FAM118B: variants seen among roughly 807,000 people sequenced by gnomAD.
The protein encoded by FAM118B is SIR2 antiphage like 1.
FAM118B carries 24 observed loss-of-function variants against 38.5 expected under a neutral mutation model. The observed-to-expected ratio is 0.62, with a 90% CI of 0.45 to 0.88. The LOEUF is 0.88. FAM118B is among the 40% of genes least tolerant of loss of function. The pLI is 0.00. For missense variants in FAM118B, 334 were observed against 420.0 expected (o/e 0.80, Z 1.79); for synonymous variants, 138 against 156.3 (o/e 0.88, Z 0.87).
At chr11:126,217,780 A>C (rs1432375188) in intron 1 of FAM118B, among the ~76,000 whole-genome samples, 1 of 152,220 alleles carries the variant, frequency 6.6e-6, no homozygotes, top group Non-Finnish European at 1.5e-5. Context: ...GAAGTATTTG[A>C]ATGACCTGGT....
At chr11:126,221,604 C>G (rs749507973) in intron 1 of FAM118B, among the ~76,000 whole-genome samples, 2 of 152,016 alleles carry the variant, frequency 1.3e-5, no homozygotes, top group African/African-American at 2.4e-5. Context: ...GAAGCACCAC[C>G]GAGATCTGAA....
At chr11:126,222,589 T>C (rs1243243039) in intron 1 of FAM118B, among the ~76,000 whole-genome samples, 2 of 152,224 alleles carry the variant, frequency 1.3e-5, no homozygotes, top group Non-Finnish European at 2.9e-5. Context: ...GTGAGAATCT[T>C]TATGTTTAGG....
intron 1 of FAM118B, among the ~76,000 whole-genome samples, chr11:126,221,274 G>T (rs533045443): frequency 4.1e-4 from 62 of 152,150 alleles, no homozygotes; most frequent in Non-Finnish European, 6.5e-4. Context: ...TAAGGTTACA[G>T]ATTTACTTTC....
rs571457556 is a variant in FAM118B, at chr11:126,255,421, C to T, written c.696+988C>T. On this transcript the variant is annotated intron_variant, in intron 6 of 8. Coordinates refer to ENST00000533050, the MANE Select transcript of FAM118B (RefSeq NM_024556.4). This position sits in a 1 kb window ranked among gnomAD's most constrained non-coding sequence, Gnocchi z 4.6. ...CATTCTTTCCCAACATCTGCCATAACTGCATCCATCTCTGACATTGAGTGA... is the reference window on the plus strand; with the variant it reads ...CATTCTTTCCCAACATCTGCCATAATTGCATCCATCTCTGACATTGAGTGA... 1.3e-4 allele frequency among the ~76,000 whole-genome samples: 20 copies of T among 152,090 alleles called. No individual in the cohort carries two copies. The highest frequency in any genetic ancestry group is 2.5e-4 in the Non-Finnish European group (17 of 68,024).
intron 7 of FAM118B, 172 bp from the exon 8 acceptor site, chr11:126,261,253 A>T (rs1950691197): frequency 3.4e-6 from 2 of 595,494 alleles, no homozygotes; most frequent in Non-Finnish European, 6.0e-6. Context: ...AAGTCTAAAG[A>T]CTACTCCAGT....
chr11:126,262,355 C>G lies in FAM118B; in HGVS notation c.*222C>G, dbSNP rs1950718476. On this transcript the variant is annotated 3_prime_UTR_variant, in exon 9 of 9. Transcript: ENST00000533050. ...TGTTCAAGTTCAAGAATAAAAGCGA[C>G]AGCAGGACCCAAATGCAGCTCCCAA... The G allele has an allele frequency of 5.2e-6, 3 of 572,244 alleles. 1 individual carries two copies. Among genetic ancestry groups the G allele is most frequent in the Non-Finnish European group, 9.3e-6 (3 of 323,150 alleles). 35.4% of individuals were successfully genotyped at this position (572,244 alleles called of 1,614,324 possible).
rs2135231243 is a variant in FAM118B, at chr11:126,262,316, G to T, written c.*183G>T. 256 of 476,732 alleles carry T rather than the reference G, an allele frequency of 5.4e-4. No homozygotes were observed. The highest frequency in any genetic ancestry group is 6.6e-4 in the Non-Finnish European group (174 of 261,908). 29.5% of individuals were successfully genotyped at this position (476,732 alleles called of 1,614,324 possible). On this transcript the variant is annotated 3_prime_UTR_variant, in exon 9 of 9. Transcript: ENST00000533050. ...TAATCCTTCATACCACCTGGTTCTT[G>T]ATATTCTGCCGCCTGTTCAAGTTCA... is the stretch of plus-strand genomic sequence containing the variant.
intron 7 of FAM118B, among the ~76,000 whole-genome samples, chr11:126,259,229 T>G (rs1053328210): frequency 5.9e-5 from 9 of 152,208 alleles, no homozygotes; most frequent in Non-Finnish European, 1.2e-4. Flanking sequence ...GGTCTTTTGC[T>G]GTTATTTTGT....
intron 6 of FAM118B, among the ~76,000 whole-genome samples, chr11:126,254,927 C>G (rs1280679574): frequency 2.0e-5 from 3 of 152,134 alleles, no homozygotes; most frequent in Non-Finnish European, 4.4e-5. Flanking sequence ...CTTAAGGTGT[C>G]AAACCCTATG....
chr11:126,228,848 C>T (rs1396351257), intron 1 of FAM118B, among the ~76,000 whole-genome samples: 1 of 152,164 alleles, frequency 6.6e-6, no homozygotes, highest in Admixed American at 6.5e-5. Context: ...CTTGAGCCAC[C>T]CGCGCCTGGC....
chr11:126,251,085 C>T (rs1164299169), intron 5 of FAM118B, among the ~76,000 whole-genome samples: 2 of 152,038 alleles, frequency 1.3e-5, no homozygotes, highest in East Asian at 3.9e-4. Context: ...TTTTTTATGG[C>T]ATCTATTGGA....
At chr11:126,211,772 C>T, upstream of FAM118B, 1 of 1,014,784 alleles carries the variant, frequency 9.9e-7, no homozygotes, top group South Asian at 1.6e-5. Context: ...GGTGCGCGCT[C>T]AGTGCGGCTG....
At chr11:126,236,689 T>G (rs1950278612) in intron 3 of FAM118B, among the ~76,000 whole-genome samples, 1 of 152,104 alleles carries the variant, frequency 6.6e-6, no homozygotes, top group Admixed American at 6.5e-5. Flanking sequence ...ATTCCACATT[T>G]TTTTAAAACT....
intron 7 of FAM118B, among the ~76,000 whole-genome samples, chr11:126,259,425 CTTTTTTTTTT>C (rs397945854): frequency 7.7e-6 from 1 of 129,436 alleles, no homozygotes; most frequent in African/African-American, 2.8e-5. Flanking sequence ...CGTTGTGGTA[CTTTTTTTTTT>C]TTTTTTTTTG....
intron 7 of FAM118B, among the ~76,000 whole-genome samples, chr11:126,259,587 G>A (rs1369887779): frequency 1.3e-5 from 2 of 151,850 alleles, no homozygotes; most frequent in African/African-American, 4.8e-5. Context: ...CACCATGCCC[G>A]GCTAATTTTT....
chr11:126,220,388 A>T lies in FAM118B; in HGVS notation c.-77+8558A>T, dbSNP rs189029965. Among the ~76,000 whole-genome samples, 45 of 150,022 alleles carry T rather than the reference A, an allele frequency of 3.0e-4. 1 individual carries two copies. In the East Asian group the frequency reaches 8.0e-3, roughly 27 times the overall value. ...TCTCTCTTTTTTTTTTAATACCCTC[A>T]ATTGTTTTCACTGGCCACTTTTTTT... On this transcript the variant is annotated intron_variant, in intron 1 of 8. Transcript: ENST00000533050.
chr11:126,262,106 C>T lies in FAM118B; in HGVS notation c.1043-14C>T. 1 of 1,614,026 alleles carries T rather than the reference C, an allele frequency of 6.2e-7. No homozygotes were observed. The highest frequency in any genetic ancestry group is 1.3e-5 in the African/African-American group (1 of 75,052). On this transcript the variant is annotated splice_polypyrimidine_tract_variant and intron_variant, in intron 8 of 8. Coordinates refer to ENST00000533050, the MANE Select transcript of FAM118B (RefSeq NM_024556.4). ...GTGAAACTTCATTTTGTTCTCTTTT[C>T]TTTCTCCCTACAGGCTGTAGTACAT...
Position 126,252,903 on chromosome 11 carries a change from T to C in FAM118B, c.568-1402T>C, listed in dbSNP as rs1286215703. Among the ~76,000 whole-genome samples, 1 of 152,060 alleles carries C rather than the reference T, an allele frequency of 6.6e-6. No individual in the cohort carries two copies. On this transcript the variant is annotated intron_variant, in intron 5 of 8. Transcript: ENST00000533050. This position sits in a 1 kb window ranked among gnomAD's most constrained non-coding sequence, Gnocchi z 4.7. The stretch of plus-strand genomic sequence containing the variant: ...TACAAAAACTAGCTGGGAGTGGTGG[T>C]GCACGCCTGTAATCCCAGTTACTTG...
At chr11:126,221,715 T>G (rs1190732888) in intron 1 of FAM118B, among the ~76,000 whole-genome samples, 1 of 151,904 alleles carries the variant, frequency 6.6e-6, no homozygotes, top group Non-Finnish European at 1.5e-5. Flanking sequence ...GGGAATAGAC[T>G]GGAGAGCCCT....
Sources: gnomAD v4.1 joint callset for allele counts (sites outside exome capture counted in the v4.1 genomes callset) on GRCh38, gnomAD v4.1.1 for gene constraint, Gnocchi (gnomAD v3.1) non-coding constraint, MANE v1.5 for transcripts, NCBI Gene and HGNC (gene_info 2026-07-23, HGNC 2026-07-21) for gene names.